Variants in FCGR1A observed in about 807,000 individuals in gnomAD.
FCGR1A encodes Fc gamma receptor Ia, also known as high affinity immunoglobulin gamma Fc receptor I.
In FCGR1A, 13 loss-of-function variants were observed where a neutral mutation model predicts 35.0. The observed-to-expected ratio is 0.37, with a 90% confidence interval of 0.24 to 0.59. The LOEUF is 0.59. Among genes scored for constraint, FCGR1A ranks in the 20% least tolerant of loss-of-function variants. FCGR1A has a pLI of 0.71. For synonymous variants in FCGR1A, 91 were observed against 164.7 expected (o/e 0.55, Z 3.43); for missense variants, 227 against 430.0 (o/e 0.53, Z 4.17).
In FCGR1A at chr1:149,790,344, T is replaced by G. The variant is rs782233605; in HGVS notation, c.844+6T>G. 1 of 1,585,812 alleles carries G rather than the reference T, an allele frequency of 6.3e-7. No individual in the cohort carries two copies. The highest frequency in any genetic ancestry group is 1.1e-5 in the South Asian group (1 of 87,422). On this transcript the variant is annotated splice_donor_region_variant and intron_variant, in intron 5 of 5. Transcript: ENST00000369168. ...GTTGGAGCTTCAAGTGCTTGGTGAGTGAGAATGACGGGAAGCCACTGGCAC... is the reference window on the plus strand; with the variant it reads ...GTTGGAGCTTCAAGTGCTTGGTGAGGGAGAATGACGGGAAGCCACTGGCAC...
intron 3 of FCGR1A, 90 bp downstream of exon 3, chr1:149,784,347 T>C (rs2091482953): frequency 1.2e-6 from 2 of 1,610,866 alleles, no homozygotes; most frequent in Non-Finnish European, 1.7e-6. Flanking sequence ...TGTGTGTCGA[T>C]TTATCTGGGT....
In FCGR1A at chr1:149,790,662, C is replaced by G. The variant is rs1740521; in HGVS notation, c.844+324C>G. The stretch of plus-strand genomic sequence containing the variant: ...CTCTTCCCTCCACTCCATGACCCCC[C>G]CTTCTCTCTCTCTCTCTCCCTGCTT... On this transcript the variant is annotated intron_variant, in intron 5 of 5. Transcript: ENST00000369168. Among the ~76,000 whole-genome samples the G allele has an allele frequency of 3.5e-3, 525 of 149,310 alleles. 4 individuals are homozygous for G. The highest frequency in any genetic ancestry group is 0.011 in the Middle Eastern group (3 of 280).
chr1:149,788,905 G>A (rs2091623553), intron 4 of FCGR1A, among the ~76,000 whole-genome samples: 1 of 151,866 alleles, frequency 6.6e-6, no homozygotes, highest in South Asian at 2.1e-4. Context: ...TATTTTAGTT[G>A]TAAAGAATAC....
At chr1:149,785,507 G>C (rs2091524321) in intron 3 of FCGR1A, among the ~76,000 whole-genome samples, 1 of 140,452 alleles carries the variant, frequency 7.1e-6, no homozygotes. Context: ...ACCTCTGACA[G>C]AGCTGTTTCA....
chr1:149,786,194 C>T (rs587621212), intron 3 of FCGR1A: 2 of 151,768 alleles, frequency 1.3e-5, no homozygotes, highest in Admixed American at 1.3e-4. Context: ...AAGCATTTCC[C>T]TAATGACTAT....
chr1:149,792,410 G>A, downstream of FCGR1A: 1 of 631,340 alleles, frequency 1.6e-6, no homozygotes, highest in Non-Finnish European at 2.1e-6. Context: ...CTGTAGTTTG[G>A]AGACAAAATA....
chr1:149,797,746 C>A, the FCGR1A span, among the ~76,000 whole-genome samples: 15 of 152,174 alleles, frequency 9.9e-5, no homozygotes, highest in African/African-American at 1.4e-4. Context: ...TATAGGCGTG[C>A]ACCACGACAT....
At chr1:149,787,181 A>G (rs1235210605) in intron 3 of FCGR1A, 4 of 152,194 alleles carry the variant, frequency 2.6e-5, no homozygotes, top group Non-Finnish European at 5.9e-5. Context: ...AATTAATTCT[A>G]TTTGGAAGCA....
chr1:149,794,172 G>A (rs2091773216), downstream of FCGR1A: 1 of 355,482 alleles, frequency 2.8e-6, no homozygotes, highest in Non-Finnish European at 5.6e-6. Context: ...CATGGTAACA[G>A]TGGAGCTATT....
the FCGR1A span, among the ~76,000 whole-genome samples, chr1:149,799,600 C>T: frequency 1.3e-5 from 2 of 152,044 alleles, no homozygotes; most frequent in South Asian, 2.1e-4. Context: ...TTGTGCAGTG[C>T]ACAATCAGCA....
chr1:149,798,849 G>C, the FCGR1A span, among the ~76,000 whole-genome samples: 1 of 152,074 alleles, frequency 6.6e-6, no homozygotes, highest in Non-Finnish European at 1.5e-5. Context: ...TTGGCTTCAA[G>C]TGATCCTCCT....
intron 3 of FCGR1A, chr1:149,785,560 C>G (rs1376524114): frequency 6.6e-6 from 1 of 151,572 alleles, no homozygotes; most frequent in East Asian, 1.9e-4. Flanking sequence ...TTTCATGGTT[C>G]AAGTGACAAC....
chr1:149,793,039 C>G, downstream of FCGR1A: 6 of 1,261,448 alleles, frequency 4.8e-6, no homozygotes, highest in Non-Finnish European at 6.1e-6. Flanking sequence ...CGCCAGCTCC[C>G]GGGCCCCGGC....
intron 4 of FCGR1A, among the ~76,000 whole-genome samples, chr1:149,789,335 G>A (rs1346102712): frequency 1.3e-5 from 2 of 152,182 alleles, no homozygotes; most frequent in Non-Finnish European, 2.9e-5. Flanking sequence ...GGAGCTTGCA[G>A]TGAGCTGAGA....
downstream of FCGR1A, chr1:149,791,937 A>AGTAT (rs1490240677): frequency 5.4e-6 from 1 of 185,934 alleles, no homozygotes; most frequent in African/African-American, 3.2e-5. Flanking sequence ...TATAGACAAT[A>AGTAT]AGGAAGGAAA....
the FCGR1A span, among the ~76,000 whole-genome samples, chr1:149,797,690 C>T: frequency 6.6e-6 from 1 of 152,168 alleles, no homozygotes; most frequent in African/African-American, 2.4e-5. Context: ...CCTCCGCCTC[C>T]CAGGCTCAAC....
intron 1 of FCGR1A, 193 bp downstream of exon 1, chr1:149,782,967 T>C: frequency 1.6e-6 from 1 of 621,118 alleles, no homozygotes; most frequent in South Asian, 2.0e-5. Flanking sequence ...GCATTAAGCC[T>C]GGACGCACCG....
chr1:149,788,208 G>C, intron 3 of FCGR1A, 158 bp from the exon 4 acceptor site: 1 of 1,512,816 alleles, frequency 6.6e-7, no homozygotes, highest in South Asian at 1.3e-5. Flanking sequence ...TTCCACCAAA[G>C]CTAAAGATAT....
At chr1:149,796,499 C>T (rs2091802104), downstream of FCGR1A, among the ~76,000 whole-genome samples, 1 of 152,186 alleles carries the variant, frequency 6.6e-6, no homozygotes, top group African/African-American at 2.4e-5. Flanking sequence ...CAGAAAAATA[C>T]TTCGAAGAGG....
Sources: allele counts gnomAD v4.1 joint callset (sites outside exome capture counted in the v4.1 genomes callset), GRCh38; gene constraint gnomAD v4.1.1; transcripts MANE v1.5; gene names NCBI Gene and HGNC (gene_info 2026-07-23, HGNC 2026-07-21).